DLG1: variants seen among roughly 807,000 people sequenced by gnomAD.
DLG1 encodes discs large MAGUK scaffold protein 1, also known as disks large homolog 1.
A neutral mutation model predicts 123.4 loss-of-function variants in DLG1; 42 were observed. The ratio of observed to expected loss-of-function variants is 0.34; its 90% CI spans 0.27 to 0.44. The LOEUF is 0.44. Ranked by LOEUF, DLG1 falls within the 20% of genes least tolerant of loss-of-function variation. DLG1 has a pLI of 1.00. For synonymous variants in DLG1, 317 were observed against 356.2 expected (o/e 0.89, Z 1.24); for missense variants, 942 against 1,082.6 (o/e 0.87, Z 1.82).
intron 8 of DLG1, 134 bp downstream of exon 8, chr3:197,140,006 A>T (rs757953921): frequency 1.0e-5 from 9 of 898,968 alleles, no homozygotes; most frequent in African/African-American, 1.7e-5. Context: ...CATTGACTTG[A>T]ATGTTGTTAA....
chr3:197,051,920 C>T (rs1292433680), intron 23 of DLG1, among the ~76,000 whole-genome samples: 2 of 145,282 alleles, frequency 1.4e-5, no homozygotes, highest in Non-Finnish European at 3.0e-5. Context: ...CAGCTCACTG[C>T]AACCTCCGCC....
intron 5 of DLG1, among the ~76,000 whole-genome samples, chr3:197,176,027 C>T (rs1223115113): frequency 6.6e-6 from 1 of 151,982 alleles, no homozygotes; most frequent in Non-Finnish European, 1.5e-5. Context: ...CCTATCTATC[C>T]TTGACAGAAA....
rs1771790573 is a variant in DLG1 at position 197,114,300 on chromosome 3, A to C, written c.1443+1627T>G. 2.6e-5 allele frequency among the ~76,000 whole-genome samples: 4 copies of C among 152,330 alleles called. No individual in the cohort carries two copies. In the South Asian group the frequency reaches 8.3e-4, roughly 32 times the overall value. ...ATGCTAGACATCGACAAAGTTTCAC[A>C]TTTTAGTGAAACTGCAGCACATCAA... On this transcript the variant is annotated intron_variant, in intron 13 of 24. Transcript: ENST00000667157.
intron 23 of DLG1, among the ~76,000 whole-genome samples, chr3:197,055,067 G>C (rs1402511888): frequency 6.6e-6 from 1 of 151,968 alleles, no homozygotes; most frequent in African/African-American, 2.4e-5. Context: ...TGCCTGCCTC[G>C]GCCTCCCAAA....
chr3:197,186,967 G>C (rs550399366), intron 5 of DLG1, among the ~76,000 whole-genome samples: 1 of 152,236 alleles, frequency 6.6e-6, no homozygotes, highest in East Asian at 1.9e-4. Flanking sequence ...AAAACCCAAA[G>C]TAACTACAAA....
intron 16 of DLG1, among the ~76,000 whole-genome samples, chr3:197,082,781 G>A (rs888389696): frequency 1.3e-5 from 2 of 152,172 alleles, no homozygotes; most frequent in Non-Finnish European, 2.9e-5. Flanking sequence ...TGCTACTCAT[G>A]AATGTGGAAA....
At chr3:197,209,773 C>T (rs1237055248) in intron 4 of DLG1, among the ~76,000 whole-genome samples, 3 of 146,364 alleles carry the variant, frequency 2.0e-5, no homozygotes, top group Admixed American at 6.9e-5. Context: ...GTTCAAAGAA[C>T]TCAAGAAGGA....
intron 4 of DLG1, among the ~76,000 whole-genome samples, chr3:197,238,670 G>A (rs1211453259): frequency 6.6e-6 from 1 of 152,110 alleles, no homozygotes; most frequent in African/African-American, 2.4e-5. Flanking sequence ...TCAGAAATCA[G>A]TAATAGAAGG....
chr3:197,207,306 T>A (rs1222728746), intron 4 of DLG1, among the ~76,000 whole-genome samples: 1 of 152,030 alleles, frequency 6.6e-6, no homozygotes, highest in Non-Finnish European at 1.5e-5. Flanking sequence ...ATATCTGAAA[T>A]AGAAACAAAA....
At chr3:197,072,745 A>G (rs979158367) in intron 18 of DLG1, among the ~76,000 whole-genome samples, 1 of 150,816 alleles carries the variant, frequency 6.6e-6, no homozygotes, top group Non-Finnish European at 1.5e-5. Context: ...CAGGCTGGAG[A>G]GCAGTGGCGT....
At chr3:197,112,278 C>T (rs528520558) in intron 13 of DLG1, among the ~76,000 whole-genome samples, 13 of 152,278 alleles carry the variant, frequency 8.5e-5, no homozygotes, top group African/African-American at 2.2e-4. Context: ...ATGTGAATTT[C>T]GTGCAGCCAC....
At chr3:197,181,680 T>C (rs973950484) in intron 5 of DLG1, among the ~76,000 whole-genome samples, 21 of 152,052 alleles carry the variant, frequency 1.4e-4, no homozygotes, top group Non-Finnish European at 2.8e-4. Flanking sequence ...ATGTATAAAA[T>C]GAAAAACAAA....
chr3:197,086,289 G>C (rs756082468), intron 15 of DLG1, among the ~76,000 whole-genome samples: 11 of 152,158 alleles, frequency 7.2e-5, no homozygotes, highest in Non-Finnish European at 1.5e-4. Context: ...AATTACAGAT[G>C]ACTTTAACAG....
chr3:197,067,252 CTACTGT>C (rs1385615347), intron 19 of DLG1, among the ~76,000 whole-genome samples: 33 of 151,876 alleles, frequency 2.2e-4, no homozygotes, highest in African/African-American at 6.8e-4. Context: ...AAAGGTAAAA[CTACTGT>C]TACTATTTCA....
intron 18 of DLG1, chr3:197,070,453 A>T (rs1560461910): frequency 6.6e-6 from 1 of 151,316 alleles, no homozygotes; most frequent in Non-Finnish European, 1.5e-5. Context: ...ACAAGTCTCA[A>T]CTATGTTGCC....
At chr3:197,253,028 G>C (rs901675219) in intron 4 of DLG1, among the ~76,000 whole-genome samples, 11 of 152,076 alleles carry the variant, frequency 7.2e-5, no homozygotes, top group African/African-American at 2.7e-4. Context: ...CTAGGGTTAG[G>C]CAAAGAGTTA....
chr3:197,109,919 C>G (rs1768863928), intron 13 of DLG1, among the ~76,000 whole-genome samples: 1 of 152,152 alleles, frequency 6.6e-6, no homozygotes, highest in African/African-American at 2.4e-5. Flanking sequence ...TTGCTACTTT[C>G]AATATTCTGC....
intron 4 of DLG1, among the ~76,000 whole-genome samples, chr3:197,233,821 T>C (rs1334174199): frequency 6.6e-6 from 1 of 152,214 alleles, no homozygotes; most frequent in Non-Finnish European, 1.5e-5. Flanking sequence ...TGCCCAGCCT[T>C]AAAGGTTTTA....
intron 5 of DLG1, among the ~76,000 whole-genome samples, chr3:197,192,536 G>T (rs1006379490): frequency 6.6e-6 from 1 of 151,868 alleles, no homozygotes; most frequent in African/African-American, 2.4e-5. Context: ...CCACTAACTG[G>T]TAAACAGCCA....
Sources: gnomAD v4.1 joint callset for allele counts (sites outside exome capture counted in the v4.1 genomes callset) on GRCh38, gnomAD v4.1.1 for gene constraint, MANE v1.5 for transcripts, NCBI Gene and HGNC (gene_info 2026-07-23, HGNC 2026-07-21) for gene names.